PPP6R2: variants seen among roughly 807,000 people sequenced by gnomAD.
The protein encoded by PPP6R2 is protein phosphatase 6 regulatory subunit 2.
Under a neutral mutation model 100.2 loss-of-function variants are expected in PPP6R2, and 62 were observed. That is an observed-to-expected ratio of 0.62 (90% CI 0.50 to 0.76). The LOEUF (loss-of-function observed/expected upper bound fraction) is 0.76, where lower values mean the gene tolerates loss of function less well. PPP6R2 is among the 30% of genes least tolerant of loss of function. The pLI, the probability that PPP6R2 is intolerant of heterozygous loss-of-function variation, is 0.00. For synonymous variants in PPP6R2, 525 were observed against 514.7 expected, an observed-to-expected ratio of 1.02 and a Z score of -0.27; for missense variants, 1,142 against 1,276.3, an observed-to-expected ratio of 0.89 and a Z score of 1.60.
upstream of PPP6R2, among the ~76,000 whole-genome samples, chr22:50,341,003 C>G (rs529676596): frequency 2.6e-5 from 4 of 152,070 alleles, no homozygotes; most frequent in South Asian, 2.1e-4. Flanking sequence ...CTTCACCTCC[C>G]GGGTTCAAGT....
At chr22:50,387,183 C>G (rs867098647) in intron 2 of PPP6R2, among the ~76,000 whole-genome samples, 5 of 152,108 alleles carry the variant, frequency 3.3e-5, no homozygotes, top group South Asian at 2.1e-4. Context: ...GCCTCAGGCT[C>G]CCGGAGTAGC....
At chr22:50,440,096 G>C (rs1325639457) in intron 21 of PPP6R2, 47 bp downstream of exon 21, 1 of 1,531,378 alleles carries the variant, frequency 6.5e-7, no homozygotes, top group Non-Finnish European at 8.9e-7. Flanking sequence ...CCAGTTTAAG[G>C]CCTGAGGCCA....
intron 3 of PPP6R2, among the ~76,000 whole-genome samples, chr22:50,405,191 A>T (rs1229565723): frequency 6.6e-6 from 1 of 152,192 alleles, no homozygotes; most frequent in Non-Finnish European, 1.5e-5. Context: ...GGAGGGGAAG[A>T]TGGAAATGGC....
chr22:50,438,268 G>T lies in PPP6R2; in HGVS notation c.1934G>T (p.Arg645Leu), dbSNP rs758198875. Residue 645 changes from arginine to leucine, a missense_variant, in exon 18 of 24, where the codon CGC becomes CTC. By Grantham distance (102) the Arg-to-Leu change is moderately radical. Around this residue, in one of 2 missense-constraint regions of PPP6R2, gnomAD observed 550 missense variants for 517.4 expected, o/e 1.06. Coordinates refer to ENST00000612753, the MANE Select transcript of PPP6R2 (RefSeq NM_001242898.2). Reference sequence around the variant, plus strand: ...GACATCTGGGAGGACAGTGACACTCGCTGTGCTGCCCGGGTGATGGCCAGA... The same window carrying T: ...GACATCTGGGAGGACAGTGACACTCTCTGTGCTGCCCGGGTGATGGCCAGA... ...DEDIWEDSDTRCAARVMARPR... is the reference protein window; with the variant it reads ...DEDIWEDSDTLCAARVMARPR... 2 of 1,613,656 alleles carry T rather than the reference G, an allele frequency of 1.2e-6. No homozygotes were observed. Among genetic ancestry groups the T allele is most frequent in the South Asian group, 1.1e-5 (1 of 91,078 alleles).
At chr22:50,368,181 G>A (rs901468210) in intron 1 of PPP6R2, among the ~76,000 whole-genome samples, 1 of 152,260 alleles carries the variant, frequency 6.6e-6, no homozygotes, top group African/African-American at 2.4e-5. Context: ...GACCGCTGAA[G>A]CACAGCATCA....
intron 2 of PPP6R2, among the ~76,000 whole-genome samples, chr22:50,382,925 C>G (rs577287328): frequency 6.6e-6 from 1 of 151,606 alleles, no homozygotes. Flanking sequence ...GCAACCTCTG[C>G]CTCCCAGACT....
At position 50,444,379 on chromosome 22, in the gene PPP6R2, G is replaced by A. The variant is rs1417023878; in HGVS notation, c.*132G>A. ...AATAAATGCTGCATTGGTAAAGCTGGCAGTTGAAACCAGTTGGACGGCCCA... is the reference window on the plus strand; with the variant it reads ...AATAAATGCTGCATTGGTAAAGCTGACAGTTGAAACCAGTTGGACGGCCCA... On this transcript the variant is annotated 3_prime_UTR_variant, in exon 24 of 24. Transcript: ENST00000612753. The A allele has an allele frequency of 4.8e-6, 6 of 1,249,300 alleles. No homozygotes were observed. Among genetic ancestry groups the A allele is most frequent in the Non-Finnish European group, 6.6e-6 (6 of 903,370 alleles). The allele number at this position is 1,249,300 out of a possible 1,614,324, so 77.4% of individuals were successfully genotyped here. A position where few individuals can be genotyped will look rare whatever the true frequency, so the allele number is the denominator to read the frequency against.
intron 1 of PPP6R2, among the ~76,000 whole-genome samples, chr22:50,347,521 C>A (rs1483934674): frequency 1.3e-5 from 2 of 152,036 alleles, no homozygotes; most frequent in Non-Finnish European, 2.9e-5. Flanking sequence ...TTCCCCCATG[C>A]ACCGTACTGT....
chr22:50,410,187 T>C (rs934916417), intron 4 of PPP6R2, among the ~76,000 whole-genome samples: 1 of 152,210 alleles, frequency 6.6e-6, no homozygotes, highest in Non-Finnish European at 1.5e-5. Context: ...ACTGAAATTT[T>C]GATGAGGTTT....
intron 10 of PPP6R2, among the ~76,000 whole-genome samples, chr22:50,426,379 C>A (rs1475458753): frequency 6.6e-6 from 1 of 152,194 alleles, no homozygotes; most frequent in Non-Finnish European, 1.5e-5. Context: ...AAATCAGTAT[C>A]ATGAAGCTTT....
chr22:50,398,332 C>G (rs1184174708), intron 3 of PPP6R2, among the ~76,000 whole-genome samples: 5 of 151,368 alleles, frequency 3.3e-5, no homozygotes, highest in Non-Finnish European at 4.4e-5. Flanking sequence ...TCACCACACC[C>G]AGCTAATTTT....
intron 1 of PPP6R2, among the ~76,000 whole-genome samples, chr22:50,365,692 AAAG>A (rs1188909981): frequency 5.3e-5 from 8 of 151,264 alleles, no homozygotes; most frequent in Admixed American, 2.0e-4. Flanking sequence ...AAAAAAAAAA[AAAG>A]AACCATTTAA....
upstream of PPP6R2, among the ~76,000 whole-genome samples, chr22:50,341,392 CAG>C (rs1387743038): frequency 4.6e-5 from 7 of 152,036 alleles, no homozygotes; most frequent in Non-Finnish European, 8.8e-5. Context: ...TTTGTAGAGA[CAG>C]GGGCCCCACT....
chr22:50,376,395 TAGAAAC>T (rs2051561268), intron 2 of PPP6R2, among the ~76,000 whole-genome samples: 1 of 152,112 alleles, frequency 6.6e-6, no homozygotes, highest in Admixed American at 6.6e-5. Context: ...TTGGAATTGT[TAGAAAC>T]AGACTATAAA....
At position 50,444,541 on chromosome 22, in the gene PPP6R2, TG is replaced by T. The variant is rs749970014; in HGVS notation, c.*302del. 10,441 of 72,986 alleles carry T rather than the reference TG, an allele frequency of 0.14. 912 individuals are homozygous for T. The highest frequency in any genetic ancestry group is 0.43 in the African/African-American group (8,070 of 18,758). The allele number at this position is 72,986 out of a possible 1,614,324, so 4.5% of individuals were successfully genotyped here. A position where few individuals can be genotyped will look rare whatever the true frequency, so the allele number is the denominator to read the frequency against. ...GCAGGAGCCGGGGTGGGGGTGGGGG[TG>T]GGGGGGGCAGGACCCTGAGATGCCA... On this transcript the variant is annotated 3_prime_UTR_variant, in exon 24 of 24. Coordinates refer to ENST00000612753, the MANE Select transcript of PPP6R2 (RefSeq NM_001242898.2).
chr22:50,438,452 G>C (rs1423284566), intron 18 of PPP6R2, 147 bp from the exon 19 acceptor site: 84 of 1,436,634 alleles, frequency 5.8e-5, no homozygotes, highest in Non-Finnish European at 7.3e-5. Flanking sequence ...ACCCTAAGGA[G>C]CCCAGAGCTG....
upstream of PPP6R2, among the ~76,000 whole-genome samples, chr22:50,338,706 GGGTGTGTGGTGTGTGTGT>G (rs1201642063): frequency 2.4e-5 from 3 of 124,584 alleles, no homozygotes; most frequent in East Asian, 7.8e-4. Context: ...GGTGTGTGTA[GGGTGTGTGGTGTGTGTGT>G]GGTGTGTAGT....
At chr22:50,379,382 A>G (rs1030120309) in intron 2 of PPP6R2, among the ~76,000 whole-genome samples, 1 of 152,064 alleles carries the variant, frequency 6.6e-6, no homozygotes, top group African/African-American at 2.4e-5. Flanking sequence ...CTGTAGTTCC[A>G]GCTACTTGGG....
chr22:50,349,612 G>A (rs943377882), intron 1 of PPP6R2, among the ~76,000 whole-genome samples: 2 of 152,066 alleles, frequency 1.3e-5, no homozygotes, highest in African/African-American at 4.8e-5. Context: ...GATCACCTGA[G>A]GTCAGGAATT....
Sources: gnomAD v4.1 joint callset for allele counts (sites outside exome capture counted in the v4.1 genomes callset) on GRCh38, gnomAD v4.1.1 for gene constraint, gnomAD v4.1.1 regional missense constraint, MANE v1.5 for transcripts, NCBI Gene and HGNC (gene_info 2026-07-23, HGNC 2026-07-21) for gene names.